Variants in CCDC85C observed in about 807,000 individuals in gnomAD.
The protein encoded by CCDC85C is coiled-coil domain-containing protein 85C.
A neutral mutation model predicts 38.3 loss-of-function variants in CCDC85C; 18 were observed. That is an observed-to-expected ratio of 0.47 (90% CI 0.33 to 0.70). CCDC85C has a LOEUF of 0.70. CCDC85C is among the 30% of genes least tolerant of loss of function. The pLI is 0.03. For synonymous variants in CCDC85C, 264 were observed against 293.8 expected, an observed-to-expected ratio of 0.90 and a Z score of 1.04; for missense variants, 566 against 621.2, an observed-to-expected ratio of 0.91 and a Z score of 0.94.
chr14:99,559,439 A>C (rs1360815059), intron 1 of CCDC85C, among the ~76,000 whole-genome samples: 1 of 152,288 alleles, frequency 6.6e-6, no homozygotes, highest in African/African-American at 2.4e-5. Context: ...TTTAAGGGTA[A>C]ACATGACATC....
chr14:99,570,031 G>C (rs908856982), intron 1 of CCDC85C, among the ~76,000 whole-genome samples: 1 of 152,038 alleles, frequency 6.6e-6, no homozygotes, highest in South Asian at 2.1e-4. Flanking sequence ...GGCAGGACAC[G>C]GACCTGTGGG....
At chr14:99,530,507 C>G (rs1897472029) in intron 2 of CCDC85C, among the ~76,000 whole-genome samples, 1 of 152,180 alleles carries the variant, frequency 6.6e-6, no homozygotes, top group African/African-American at 2.4e-5. Flanking sequence ...TCAGGACAGC[C>G]CATCCTCCTA....
At chr14:99,537,977 A>T (rs1042903128) in intron 1 of CCDC85C, among the ~76,000 whole-genome samples, 2 of 152,298 alleles carry the variant, frequency 1.3e-5, no homozygotes, top group Non-Finnish European at 2.9e-5. Flanking sequence ...GCAGTGACCA[A>T]GTAAACTCCA....
intron 1 of CCDC85C, among the ~76,000 whole-genome samples, chr14:99,555,189 G>A (rs1406594549): frequency 3.3e-5 from 5 of 152,326 alleles, no homozygotes; most frequent in Middle Eastern, 3.4e-3. Flanking sequence ...ACAGGTGAGA[G>A]GTGACAGCCC....
chr14:99,602,305 C>G (rs2055207350), intron 1 of CCDC85C, among the ~76,000 whole-genome samples: 1 of 152,238 alleles, frequency 6.6e-6, no homozygotes, highest in Non-Finnish European at 1.5e-5. Flanking sequence ...CTGGGCGCAG[C>G]AGTAACATGG....
chr14:99,540,934 C>G (rs1435290938), intron 1 of CCDC85C, among the ~76,000 whole-genome samples: 1 of 152,174 alleles, frequency 6.6e-6, no homozygotes, highest in Non-Finnish European at 1.5e-5. Flanking sequence ...GCCACTGGGA[C>G]CAGGACTCAC....
At chr14:99,573,991 G>C (rs555690696) in intron 1 of CCDC85C, among the ~76,000 whole-genome samples, 2 of 152,340 alleles carry the variant, frequency 1.3e-5, no homozygotes, top group African/African-American at 4.8e-5. Flanking sequence ...GGTGGTCAGG[G>C]ACAGCCGTGT....
intron 1 of CCDC85C, among the ~76,000 whole-genome samples, chr14:99,595,376 A>T (rs11847852): frequency 0.48 from 72,549 of 152,010 alleles, 18,925 homozygotes; most frequent in Non-Finnish European, 0.57. Flanking sequence ...CCTACCAAAT[A>T]GCTGGCATTA....
chr14:99,577,221 G>A (rs1003866189), intron 1 of CCDC85C, among the ~76,000 whole-genome samples: 1 of 151,628 alleles, frequency 6.6e-6, no homozygotes, highest in Non-Finnish European at 1.5e-5. Flanking sequence ...CACTGAATAG[G>A]CAACCATATC....
At chr14:99,566,631 G>A (rs1394850604) in intron 1 of CCDC85C, among the ~76,000 whole-genome samples, 3 of 152,190 alleles carry the variant, frequency 2.0e-5, no homozygotes, top group African/African-American at 4.8e-5. Flanking sequence ...CATCAGGACA[G>A]CCTCATGGAA....
intron 3 of CCDC85C, among the ~76,000 whole-genome samples, chr14:99,521,538 G>A (rs563941728): frequency 3.9e-5 from 6 of 152,278 alleles, no homozygotes; most frequent in South Asian, 2.1e-4. Flanking sequence ...CCAAGCATCC[G>A]CTACACACCC....
chr14:99,522,677 G>GCCTCCCA (rs146119370), intron 2 of CCDC85C: 134,286 of 153,650 alleles, frequency 0.87, 60,853 homozygotes, highest in East Asian at 1. Flanking sequence ...CACAGGCGAG[G>GCCTCCCA]CCTCCCACCT....
chr14:99,592,310 G>A (rs956848320), intron 1 of CCDC85C, among the ~76,000 whole-genome samples: 2 of 152,198 alleles, frequency 1.3e-5, no homozygotes, highest in African/African-American at 4.8e-5. Context: ...GTTAGGCAGG[G>A]GAGCAGGAGT....
intron 1 of CCDC85C, among the ~76,000 whole-genome samples, chr14:99,575,355 C>T (rs1252601331): frequency 6.6e-6 from 1 of 152,172 alleles, no homozygotes; most frequent in African/African-American, 2.4e-5. Context: ...GCCTCAGCCG[C>T]CTACTGTCTA....
chr14:99,522,210 G>T lies in CCDC85C; in HGVS notation c.898C>A (p.Arg300=). 5 of 1,550,174 alleles carry T rather than the reference G, an allele frequency of 3.2e-6. No homozygotes were observed. Among genetic ancestry groups the T allele is most frequent in the Non-Finnish European group, 4.4e-6 (5 of 1,146,830 alleles). ...GAGTGGTAGGGCGAGAAGCCTTTCC[G>T]CAGCGTGCGGAACTCTCCGGAGCCT... ...QAGSGEFRTL[R]KGFSPYHSES... Residue 300 remains arginine (R), a synonymous_variant, in exon 3 of 6, where the codon CGG becomes AGG. Coordinates refer to ENST00000380243, the MANE Select transcript of CCDC85C (RefSeq NM_001144995.2).
chr14:99,562,183 C>T (rs1317005638), intron 1 of CCDC85C, among the ~76,000 whole-genome samples: 1 of 152,164 alleles, frequency 6.6e-6, no homozygotes, highest in Non-Finnish European at 1.5e-5. Flanking sequence ...GAGAGCGACG[C>T]CCTCCAGCAA....
At position 99,544,946 on chromosome 14, in the gene CCDC85C, T is replaced by G. The variant is rs188944551; in HGVS notation, c.794-8858A>C. ...GATGCATGCAAAAACGGAGCTGCCA[T>G]GACCGGAGCCCCACACTCTCCATCT... On this transcript the variant is annotated intron_variant, in intron 1 of 5. Coordinates refer to ENST00000380243, the MANE Select transcript of CCDC85C (RefSeq NM_001144995.2). The surrounding 1 kb of genome is among the most constrained non-coding windows in gnomAD (Gnocchi z 5.3). Among the ~76,000 whole-genome samples, 263 of 152,202 alleles carry G rather than the reference T, an allele frequency of 1.7e-3. 4 individuals carry two copies. Among genetic ancestry groups the G allele is most frequent in the Non-Finnish European group, 1.8e-3 (125 of 68,002 alleles).
In CCDC85C at chr14:99,569,317, T is replaced by C. The variant is rs1454703750; in HGVS notation, c.794-33229A>G. On this transcript the variant is annotated intron_variant, in intron 1 of 5. Transcript: ENST00000380243. The surrounding 1 kb of genome is among the most constrained non-coding windows in gnomAD (Gnocchi z 4.3). ...CACAGGGCTCTGGTTTCTGAAGCACTGATGTCCCCAAAACAAACAGGCTGC... is the reference window on the plus strand; with the variant it reads ...CACAGGGCTCTGGTTTCTGAAGCACCGATGTCCCCAAAACAAACAGGCTGC... Among the ~76,000 whole-genome samples, 2 of 152,124 alleles carry C rather than the reference T, an allele frequency of 1.3e-5. No individual in the cohort carries two copies. The highest frequency in any genetic ancestry group is 4.8e-5 in the African/African-American group (2 of 41,418).
At chr14:99,531,929 G>A (rs1897502226) in intron 2 of CCDC85C, among the ~76,000 whole-genome samples, 1 of 152,182 alleles carries the variant, frequency 6.6e-6, no homozygotes, top group Non-Finnish European at 1.5e-5. Context: ...CTCACTACCT[G>A]CTGAAGCCCT....
Sources: allele counts gnomAD v4.1 joint callset (sites outside exome capture counted in the v4.1 genomes callset), GRCh38; gene constraint gnomAD v4.1.1; non-coding constraint Gnocchi (gnomAD v3.1); transcripts MANE v1.5; gene names NCBI Gene and HGNC (gene_info 2026-07-23, HGNC 2026-07-21).